Variants in VDR observed in about 807,000 individuals in gnomAD.
The protein encoded by VDR is vitamin D3 receptor.
Under a neutral mutation model 39.7 loss-of-function variants are expected in VDR, and 19 were observed. The observed-to-expected ratio is 0.48, with a 90% CI of 0.33 to 0.70. The LOEUF (loss-of-function observed/expected upper bound fraction) is 0.70. VDR is among the 30% of genes least tolerant of loss of function. The pLI, the probability that VDR is intolerant of heterozygous loss-of-function variation, is 0.02. For missense variants in VDR, 442 were observed against 570.5 expected (o/e 0.77, Z 2.29); for synonymous variants, 242 against 215.8 (o/e 1.12, Z -1.07).
At chr12:47,887,467 C>CA (rs34140381) in intron 1 of VDR, among the ~76,000 whole-genome samples, 10,321 of 151,992 alleles carry the variant, frequency 0.068, 967 homozygotes, top group African/African-American at 0.21. Flanking sequence ...AAAAATAGAA[C>CA]ACTCTATAAT....
Position 47,865,116 on chromosome 12 carries a change from T to C in VDR, c.208A>G (p.Lys70Glu), listed in dbSNP as rs755797029. Residue 70 changes from lysine (K) to glutamate (E), a missense_variant, in exon 4 of 10, where the codon AAG becomes GAG. By Grantham distance (56) the Lys-to-Glu change is moderately conservative. This residue lies in a region of VDR where 141 missense variants were observed against 141.3 expected (regional missense o/e 1.00). Coordinates refer to ENST00000549336, the MANE Select transcript of VDR (RefSeq NM_000376.3). Reference protein sequence around the residue: ...CPFNGDCRITKDNRRHCQACR... With the variant: ...CPFNGDCRITEDNRRHCQACR... The stretch of plus-strand genomic sequence containing the variant: ...GCCTGGCAGTGGCGTCGGTTGTCCT[T>C]GGTGATGCGGCAGTCCCCGTTGAAG... 9 of 1,613,816 alleles carry C rather than the reference T, an allele frequency of 5.6e-6. No individual in the cohort carries two copies. The highest frequency in any genetic ancestry group is 7.6e-6 in the Non-Finnish European group (9 of 1,179,840).
chr12:47,882,623 G>GGGCCCGGGCCCCCCCCC, intron 2 of VDR, 71 bp downstream of exon 2: 1 of 543,282 alleles, frequency 1.8e-6, no homozygotes, highest in Non-Finnish European at 3.2e-6. Context: ...ACCTTCTTAT[G>GGGCCCGGGCCCCCCCCC]CCCCTCCCCC....
chr12:47,851,501 C>T (rs900405786), intron 7 of VDR, among the ~76,000 whole-genome samples: 2 of 152,184 alleles, frequency 1.3e-5, no homozygotes, highest in African/African-American at 2.4e-5. Flanking sequence ...GAAGTCTCAT[C>T]CTGCCTTCCC....
intron 3 of VDR, among the ~76,000 whole-genome samples, chr12:47,878,039 C>T (rs547864499): frequency 2.0e-5 from 3 of 152,270 alleles, no homozygotes; most frequent in South Asian, 2.1e-4. Context: ...ATTCACTGTG[C>T]CCCCAAGGCG....
At chr12:47,890,772 G>T (rs1440295155) in intron 1 of VDR, among the ~76,000 whole-genome samples, 2 of 152,248 alleles carry the variant, frequency 1.3e-5, no homozygotes, top group African/African-American at 4.8e-5. Context: ...TATGAAGGGA[G>T]TGGGTGCAGG....
chr12:47,887,125 A>C (rs1285196840), intron 1 of VDR, among the ~76,000 whole-genome samples: 1 of 152,156 alleles, frequency 6.6e-6, no homozygotes, highest in Admixed American at 6.5e-5. Flanking sequence ...TAGCCTGGCT[A>C]ACATGGCGAA....
intron 7 of VDR, among the ~76,000 whole-genome samples, chr12:47,849,891 C>A (rs1324447826): frequency 6.6e-6 from 1 of 151,896 alleles, no homozygotes; most frequent in Non-Finnish European, 1.5e-5. Flanking sequence ...TGCTCTGTCA[C>A]CCAGGCTGGA....
At chr12:47,875,343 G>A (rs10735809) in intron 3 of VDR, among the ~76,000 whole-genome samples, 151,995 of 152,368 alleles carry the variant, frequency 1, 75,813 homozygotes, top group Middle Eastern at 1. Context: ...AATGCTGTCT[G>A]TCAATAACTA....
At position 47,878,999 on chromosome 12, in the gene VDR, T is replaced by C. The variant is rs775226600; in HGVS notation, c.115A>G (p.Met39Val). Residue 39 changes from methionine (M) to valine (V), a missense_variant, in exon 3 of 10, where the codon ATG (methionine) becomes GTG (valine). Physicochemically the swap from Met to Val is conservative, Grantham distance 21. Transcript: ENST00000549336. ...DRATGFHFNA[M>V]TCEGCKGFFR... is the part of the protein sequence containing the mutation. ...AAGCCTTTGCAGCCTTCACAGGTCATAGCATTGAAGTGAAAGCCAGTGGCT... is the reference window on the plus strand; with the variant it reads ...AAGCCTTTGCAGCCTTCACAGGTCACAGCATTGAAGTGAAAGCCAGTGGCT... 2.5e-6 allele frequency: 4 copies of C among 1,614,160 alleles called. No homozygotes were observed. Among genetic ancestry groups the C allele is most frequent in the South Asian group, 1.1e-5 (1 of 91,088 alleles).
At chr12:47,872,489 A>G (rs1945904124) in intron 3 of VDR, among the ~76,000 whole-genome samples, 1 of 152,230 alleles carries the variant, frequency 6.6e-6, no homozygotes, top group Non-Finnish European at 1.5e-5. Context: ...GGTGCCTAGC[A>G]TGGGAGCCTG....
At chr12:47,849,240 G>GTATCA (rs1945339129) in intron 7 of VDR, among the ~76,000 whole-genome samples, 1 of 152,142 alleles carries the variant, frequency 6.6e-6, no homozygotes, top group African/African-American at 2.4e-5. Context: ...GGTGATAGAT[G>GTATCA]GTGGGAAATG....
intron 3 of VDR, among the ~76,000 whole-genome samples, chr12:47,878,628 G>A (rs1387952545): frequency 2.0e-5 from 3 of 152,222 alleles, no homozygotes; most frequent in Non-Finnish European, 4.4e-5. Context: ...CTTGGGTGAG[G>A]AAGCTGTGAT....
chr12:47,884,146 G>A (rs898555781), intron 1 of VDR, among the ~76,000 whole-genome samples: 1 of 152,168 alleles, frequency 6.6e-6, no homozygotes, highest in Admixed American at 6.5e-5. Context: ...AGGTGAGGTG[G>A]GGACCGGGTG....
intron 4 of VDR, among the ~76,000 whole-genome samples, chr12:47,859,923 T>TTTTCTTTCTTTCTTTCTTTC (rs778112133): frequency 6.9e-4 from 35 of 50,968 alleles, no homozygotes; most frequent in South Asian, 1.5e-3. Context: ...CCTTCTTTCT[T>TTTTCTTTCTTTCTTTCTTTC]TTTCTTTCTT....
intron 7 of VDR, among the ~76,000 whole-genome samples, chr12:47,847,496 T>G (rs1365307761): frequency 6.6e-6 from 1 of 151,810 alleles, no homozygotes; most frequent in Non-Finnish European, 1.5e-5. Flanking sequence ...CAACTCCCTT[T>G]CCCATGGTAA....
intron 1 of VDR, among the ~76,000 whole-genome samples, chr12:47,902,346 C>T (rs1309594744): frequency 6.6e-6 from 1 of 152,322 alleles, no homozygotes; most frequent in South Asian, 2.1e-4. Context: ...AGAGTGGCAG[C>T]CAGGCTGGCT....
chr12:47,878,660 C>T (rs1004910601), intron 3 of VDR, among the ~76,000 whole-genome samples: 2 of 152,200 alleles, frequency 1.3e-5, no homozygotes, highest in Non-Finnish European at 2.9e-5. Flanking sequence ...AGGAGGTTCA[C>T]TCTGGAAGGA....
At chr12:47,890,241 T>G (rs1390307560) in intron 1 of VDR, among the ~76,000 whole-genome samples, 1 of 151,544 alleles carries the variant, frequency 6.6e-6, no homozygotes, top group African/African-American at 2.4e-5. Context: ...CATATTAGTA[T>G]GAGGAATGGC....
chr12:47,902,940 C>T (rs1435903852), intron 1 of VDR, among the ~76,000 whole-genome samples: 1 of 152,124 alleles, frequency 6.6e-6, no homozygotes, highest in African/African-American at 2.4e-5. Context: ...TCAGGAGGTC[C>T]TCTCGGAGCT....
Sources: gnomAD v4.1 joint callset for allele counts (sites outside exome capture counted in the v4.1 genomes callset) on GRCh38, gnomAD v4.1.1 for gene constraint, gnomAD v4.1.1 regional missense constraint, MANE v1.5 for transcripts, NCBI Gene and HGNC (gene_info 2026-07-23, HGNC 2026-07-21) for gene names.